NMUR1: variants seen among roughly 807,000 people sequenced by gnomAD.
NMUR1 encodes neuromedin-U receptor 1.
Under a neutral mutation model 18.8 loss-of-function variants are expected in NMUR1, and 16 were observed. The ratio of observed to expected loss-of-function variants is 0.85; its 90% CI spans 0.58 to 1.29. The LOEUF (loss-of-function observed/expected upper bound fraction) is 1.29. NMUR1 is among the 50% of genes most tolerant of loss of function. The pLI, the probability that NMUR1 is intolerant of heterozygous loss-of-function variation, is 0.00. For synonymous variants in NMUR1, 258 were observed against 258.2 expected (o/e 1.00, Z 0.01); for missense variants, 529 against 580.3 (o/e 0.91, Z 0.91).
intron 1 of NMUR1, 85 bp downstream of exon 1, chr2:231,530,274 C>G: frequency 6.9e-7 from 1 of 1,456,896 alleles, no homozygotes; most frequent in Non-Finnish European, 9.1e-7. Context: ...GCCCTCGGAC[C>G]CTTCCCGCCC....
intron 2 of NMUR1, among the ~76,000 whole-genome samples, chr2:231,526,431 G>A (rs2047356967): frequency 1.3e-5 from 2 of 152,170 alleles, no homozygotes; most frequent in Admixed American, 1.3e-4. Flanking sequence ...CAGCAAGCAG[G>A]AAGCCCACCT....
chr2:231,528,987 G>A lies in NMUR1; in HGVS notation c.34C>T (p.Pro12Ser), dbSNP rs2047389464. The A allele has an allele frequency of 6.8e-6, 11 of 1,612,128 alleles. No individual in the cohort carries two copies. In the South Asian group the frequency reaches 9.9e-5, roughly 14 times the overall value. Residue 12 changes from proline (P) to serine (S), a missense_variant, in exon 2 of 3, where the codon CCT becomes TCT. Pro to Ser is a moderately conservative substitution (Grantham distance 74, BLOSUM62 -1). Coordinates refer to ENST00000305141, the MANE Select transcript of NMUR1 (RefSeq NM_006056.5). Reference sequence around the variant, plus strand: ...GCACCCCCTGGGTACAGGTCTCCAGGGAGGACAGAGCAATTGAGGCAGAGA... The same window carrying A: ...GCACCCCCTGGGTACAGGTCTCCAGAGAGGACAGAGCAATTGAGGCAGAGA... Reference protein sequence around the residue: ...TPLCLNCSVLPGDLYPGGARN... With the variant: ...TPLCLNCSVLSGDLYPGGARN...
chr2:231,529,920 A>C (rs557159977), intron 1 of NMUR1, among the ~76,000 whole-genome samples: 1 of 152,222 alleles, frequency 6.6e-6, no homozygotes, highest in Non-Finnish European at 1.5e-5. Context: ...TACACACTAC[A>C]AATGCTTCAT....
At chr2:231,519,409 G>C (rs1350313529), downstream of NMUR1, among the ~76,000 whole-genome samples, 1 of 152,198 alleles carries the variant, frequency 6.6e-6, no homozygotes, top group African/African-American at 2.4e-5. Flanking sequence ...ATGTTAGGTT[G>C]GGGTATTGCC....
chr2:231,525,666 C>T (rs1407109946), intron 2 of NMUR1, among the ~76,000 whole-genome samples: 2 of 152,228 alleles, frequency 1.3e-5, no homozygotes, highest in Non-Finnish European at 2.9e-5. Context: ...TGACCACAGC[C>T]AACTGGACCA....
At position 231,529,879 on chromosome 2, in the gene NMUR1, C is replaced by T. The variant is rs534879247; in HGVS notation, c.3+480G>A. Among the ~76,000 whole-genome samples the T allele has an allele frequency of 2.6e-5, 4 of 152,376 alleles. No individual in the cohort carries two copies. The East Asian group carries it at 7.7e-4, about 29-fold the overall frequency. ...CCCCCTTGCTCTGGGGACCCAGTCA[C>T]TATGAGAGTCAAGTGAGGGAGTGTC... On this transcript the variant is annotated intron_variant, in intron 1 of 2. Coordinates refer to ENST00000305141, the MANE Select transcript of NMUR1 (RefSeq NM_006056.5).
In NMUR1 at chr2:231,525,156, T is replaced by C; in HGVS notation, c.1168A>G (p.Ser390Gly). Residue 390 changes from serine (S) to glycine (G), a missense_variant, in exon 3 of 3, where the codon AGC becomes GGC. By Grantham distance (56) the Ser-to-Gly change is moderately conservative. Coordinates refer to ENST00000305141, the MANE Select transcript of NMUR1 (RefSeq NM_006056.5). Reference sequence around the variant, plus strand: ...AGGGTGCTGCCTGTGGTCATCCTGCTGAGGCTGTGGGAGCTGTGGCGGGGT... The same window carrying C: ...AGGGTGCTGCCTGTGGTCATCCTGCCGAGGCTGTGGGAGCTGTGGCGGGGT... Reference protein sequence around the residue: ...LRPRHSSHSLSRMTTGSTLCD... With the variant: ...LRPRHSSHSLGRMTTGSTLCD... The C allele has an allele frequency of 6.2e-7, 1 of 1,614,108 alleles. No individual in the cohort carries two copies. Among genetic ancestry groups the C allele is most frequent in the Non-Finnish European group, 8.5e-7 (1 of 1,180,018 alleles).
rs2047324252 is a variant in NMUR1, at chr2:231,523,552, C to G, written c.*1491G>C. The G allele has an allele frequency of 5.0e-6, 1 of 201,816 alleles. No individual in the cohort carries two copies. Among genetic ancestry groups the G allele is most frequent in the African/African-American group, 2.5e-5 (1 of 40,752 alleles). The allele number at this position is 201,816 out of a possible 1,614,324, so 12.5% of individuals were successfully genotyped here. On this transcript the variant is annotated 3_prime_UTR_variant, in exon 3 of 3. Coordinates refer to ENST00000305141, the MANE Select transcript of NMUR1 (RefSeq NM_006056.5). Reference sequence around the variant, plus strand: ...AATTTTTAAAACTAAACATCTGCAACCCTGTACCACGTCCTCCACTTTCTC... The same window carrying G: ...AATTTTTAAAACTAAACATCTGCAAGCCTGTACCACGTCCTCCACTTTCTC...
Position 231,523,373 on chromosome 2 carries a change from C to T in NMUR1, c.*1670G>A. 1 of 342,724 alleles carries T rather than the reference C, an allele frequency of 2.9e-6. No homozygotes were observed. The highest frequency in any genetic ancestry group is 3.8e-5 in the East Asian group (1 of 25,980). 21.2% of individuals were successfully genotyped at this position (342,724 alleles called of 1,614,324 possible). ...TGATCTCCAGAACTTTTTCATTTTG[C>T]AAAACTGAAACTCTTCACCCATTAA... On this transcript the variant is annotated 3_prime_UTR_variant, in exon 3 of 3. Transcript: ENST00000305141.
downstream of NMUR1, among the ~76,000 whole-genome samples, chr2:231,521,098 G>T (rs867662250): frequency 1.4e-4 from 21 of 152,190 alleles, no homozygotes; most frequent in African/African-American, 4.8e-4. Flanking sequence ...AATATGGCCG[G>T]ATGCAGTGGC....
chr2:231,530,213 C>G, intron 1 of NMUR1, 146 bp downstream of exon 1: 1 of 993,190 alleles, frequency 1.0e-6, no homozygotes, highest in East Asian at 3.3e-5. Flanking sequence ...ACAAATGACC[C>G]GAGAAGTTGC....
chr2:231,519,617 T>G (rs941336967), downstream of NMUR1, among the ~76,000 whole-genome samples: 1 of 152,210 alleles, frequency 6.6e-6, no homozygotes, highest in Non-Finnish European at 1.5e-5. Flanking sequence ...CCAGTCTGAC[T>G]TTGGCCTTAG....
Position 231,524,381 on chromosome 2 carries a change from CG to C in NMUR1, c.*661del, listed in dbSNP as rs2047333504. On this transcript the variant is annotated 3_prime_UTR_variant, in exon 3 of 3. Coordinates refer to ENST00000305141, the MANE Select transcript of NMUR1 (RefSeq NM_006056.5). ...CAGCCTGGCCAACATGGTGAAACCC[CG>C]TCTCTACTAAAAATTAAAAAAAATT... is the stretch of plus-strand genomic sequence containing the variant. 6.6e-6 allele frequency: 1 copy of C among 152,062 alleles called. No individual in the cohort carries two copies. Among genetic ancestry groups the C allele is most frequent in the African/African-American group, 2.4e-5 (1 of 41,366 alleles). 9.4% of individuals were successfully genotyped at this position (152,062 alleles called of 1,614,324 possible). A position where few individuals can be genotyped will look rare whatever the true frequency, so the allele number is the denominator to read the frequency against.
At position 231,523,536 on chromosome 2, in the gene NMUR1, A is replaced by T. The variant is rs2047323892; in HGVS notation, c.*1507T>A. 4.2e-6 allele frequency: 1 copy of T among 238,212 alleles called. No homozygotes were observed. The allele number at this position is 238,212 out of a possible 1,614,324, so 14.8% of individuals were successfully genotyped here. On this transcript the variant is annotated 3_prime_UTR_variant, in exon 3 of 3. Transcript: ENST00000305141. ...ATTATTTTTATAATTGAATTTTTAA[A>T]ACTAAACATCTGCAACCCTGTACCA...
downstream of NMUR1, among the ~76,000 whole-genome samples, chr2:231,522,536 G>C (rs866624488): frequency 6.6e-6 from 1 of 151,790 alleles, no homozygotes; most frequent in East Asian, 1.9e-4. Context: ...AGGTGCTCAC[G>C]GCTCTGCACA....
At position 231,528,706 on chromosome 2, in the gene NMUR1, C is replaced by G. The variant is rs146898455; in HGVS notation, c.315G>C (p.Ser105=). The G allele has an allele frequency of 1.2e-6, 2 of 1,614,246 alleles. No homozygotes were observed. The highest frequency in any genetic ancestry group is 3.3e-5 in the Admixed American group (2 of 60,030). The part of the protein sequence containing the change: ...TNYYLFSLAV[S]DLLVLLVGLP... ...GGCCCACCAGCAGCACCAGCAGGTC[C>G]GACACGGCCAGGCTGAAGAGGTAGT... Residue 105 remains serine (S), a synonymous_variant, in exon 2 of 3, where the codon TCG becomes TCC. Coordinates refer to ENST00000305141, the MANE Select transcript of NMUR1 (RefSeq NM_006056.5).
At position 231,524,904 on chromosome 2, in the gene NMUR1, A is replaced by C. The variant is rs955044599; in HGVS notation, c.*139T>G. Reference sequence around the variant, plus strand: ...TCCTCCTGCTGTTTCCCTCTGAGGGAAACTGAGGTGCTGGTCAGAATTTCT... The same window carrying C: ...TCCTCCTGCTGTTTCCCTCTGAGGGCAACTGAGGTGCTGGTCAGAATTTCT... On this transcript the variant is annotated 3_prime_UTR_variant, in exon 3 of 3. Coordinates refer to ENST00000305141, the MANE Select transcript of NMUR1 (RefSeq NM_006056.5). The C allele has an allele frequency of 4.4e-5, 51 of 1,146,630 alleles. No homozygotes were observed. In the African/African-American group the frequency reaches 6.2e-4, roughly 14 times the overall value. 71.0% of individuals were successfully genotyped at this position (1,146,630 alleles called of 1,614,324 possible).
At chr2:231,526,679 ACT>A (rs2047359466) in intron 2 of NMUR1, among the ~76,000 whole-genome samples, 1 of 152,016 alleles carries the variant, frequency 6.6e-6, no homozygotes, top group South Asian at 2.1e-4. Flanking sequence ...GGAGCGAGTC[ACT>A]CTGGAGATGG....
At chr2:231,521,919 G>A (rs1237423349), downstream of NMUR1, among the ~76,000 whole-genome samples, 2 of 151,128 alleles carry the variant, frequency 1.3e-5, no homozygotes, top group African/African-American at 2.4e-5. Flanking sequence ...TGTTGCTGAC[G>A]TGCTGCGGAG....
Sources: gnomAD v4.1 joint callset for allele counts (sites outside exome capture counted in the v4.1 genomes callset) on GRCh38, gnomAD v4.1.1 for gene constraint, MANE v1.5 for transcripts, NCBI Gene and HGNC (gene_info 2026-07-23, HGNC 2026-07-21) for gene names.